The following CEBPZOS variants were observed in gnomAD, a reference collection of about 807,000 sequenced individuals.
CEBPZOS encodes the protein protein CEBPZOS.
Under a neutral mutation model 4.8 loss-of-function variants are expected in CEBPZOS, and 10 were observed. The observed-to-expected ratio is 2.07, with a 90% CI of 1.28 to 3.52. The LOEUF (loss-of-function observed/expected upper bound fraction) is 3.52, where lower values mean the gene tolerates loss of function less well. CEBPZOS is among the 30% of genes most tolerant of loss of function. The pLI is 0.00. For synonymous variants in CEBPZOS, 25 were observed against 14.2 expected (o/e 1.77, Z -1.72); for missense variants, 98 against 43.6 (o/e 2.25, Z -3.51).
Position 37,201,523 on chromosome 2 carries a change from G to A in CEBPZOS, c.161-119G>A, listed in dbSNP as rs1449621624. 4.9e-6 allele frequency: 3 copies of A among 608,590 alleles called. No homozygotes were observed. The African/African-American group carries it at 5.6e-5, about 11-fold the overall frequency. 37.7% of individuals were successfully genotyped at this position (608,590 alleles called of 1,614,324 possible). A position where few individuals can be genotyped will look rare whatever the true frequency, so the allele number is the denominator to read the frequency against. ...TATATGTGAAGTCTGTAATCCTACT[G>A]TCCTCTTTTTCATTTTGTTATGTAG... is the stretch of plus-strand genomic sequence containing the variant. On this transcript the variant is annotated intron_variant, in intron 3 of 4. Coordinates refer to ENST00000402297, the MANE Select transcript of CEBPZOS (RefSeq NM_001322374.2).
intron 4 of CEBPZOS, chr2:37,211,070 T>A: frequency 6.2e-7 from 1 of 1,608,496 alleles, no homozygotes; most frequent in Non-Finnish European, 8.5e-7. Context: ...GACTTTGGAG[T>A]GGACTTCAAG....
intron 4 of CEBPZOS, chr2:37,212,489 G>A: frequency 9.4e-7 from 1 of 1,058,228 alleles, no homozygotes; most frequent in East Asian, 2.4e-5. Context: ...TGATTCTGCT[G>A]TTTATGACAA....
intron 1 of CEBPZOS, among the ~76,000 whole-genome samples, chr2:37,199,439 GTTCTTTTTACAACGCT>G (rs1677104353): frequency 6.6e-6 from 1 of 152,090 alleles, no homozygotes; most frequent in African/African-American, 2.4e-5. Flanking sequence ...TCCGTAAATT[GTTCTTTTTACAACGCT>G]TTCTTGCATT....
At chr2:37,207,479 T>A (rs111933481), downstream of CEBPZOS, among the ~76,000 whole-genome samples, 3 of 152,138 alleles carry the variant, frequency 2.0e-5, no homozygotes, top group African/African-American at 7.2e-5. Flanking sequence ...GGAATACAAT[T>A]GGAAATTAAC....
At chr2:37,212,510 A>C (rs981639943) in intron 4 of CEBPZOS, 4 of 820,534 alleles carry the variant, frequency 4.9e-6, no homozygotes, top group Non-Finnish European at 8.1e-6. Flanking sequence ...GTGAACACCA[A>C]AACAATGTAA....
intron 4 of CEBPZOS, chr2:37,210,075 A>G (rs1404444790): frequency 6.6e-6 from 1 of 152,216 alleles, no homozygotes; most frequent in Non-Finnish European, 1.5e-5. Flanking sequence ...CCACAGTGCA[A>G]TACCACCTTA....
downstream of CEBPZOS, among the ~76,000 whole-genome samples, chr2:37,205,351 G>A (rs1450143516): frequency 6.6e-6 from 1 of 152,132 alleles, no homozygotes; most frequent in African/African-American, 2.4e-5. Flanking sequence ...GCCTGTTCCT[G>A]CCTTAACTGA....
At chr2:37,199,560 C>A in intron 1 of CEBPZOS, 144 bp from the exon 2 acceptor site, 1 of 482,090 alleles carries the variant, frequency 2.1e-6, no homozygotes, top group Non-Finnish European at 3.8e-6. Context: ...ATGTCTAAAC[C>A]AAAAAAGTAT....
intron 3 of CEBPZOS, 45 bp from the exon 4 acceptor site, chr2:37,201,597 A>G (rs906502583): frequency 1.3e-5 from 9 of 670,792 alleles, no homozygotes; most frequent in East Asian, 5.5e-5. Context: ...AATTTTAACA[A>G]TGCTTCCACA....
downstream of CEBPZOS, among the ~76,000 whole-genome samples, chr2:37,206,626 G>T (rs1042472682): frequency 6.6e-6 from 1 of 152,164 alleles, no homozygotes; most frequent in East Asian, 1.9e-4. Context: ...GAAGTGCTGG[G>T]ATTACAGGTG....
downstream of CEBPZOS, chr2:37,213,864 C>T: frequency 6.3e-7 from 1 of 1,594,884 alleles, no homozygotes; most frequent in Non-Finnish European, 8.6e-7. Context: ...AACAAATTAC[C>T]AATCAGCTCT....
intron 4 of CEBPZOS, chr2:37,211,958 G>A (rs185440523): frequency 2.5e-6 from 4 of 1,613,502 alleles, no homozygotes; most frequent in Admixed American, 1.7e-5. Flanking sequence ...CGTCATCCAG[G>A]TTACCAAGTT....
chr2:37,211,947 T>C lies in CEBPZOS; in HGVS notation c.*3-1490T>C, dbSNP rs1677734382. On this transcript the variant is annotated intron_variant, in intron 4 of 4. Coordinates refer to the CEBPZOS transcript ENST00000397064. ...ATCCATACTTCCTAAAGAAACTTCA[T>C]CGTCATCCAGGTTACCAAGTTCATC... 3 of 1,613,840 alleles carry C rather than the reference T, an allele frequency of 1.9e-6. No individual in the cohort carries two copies. The highest frequency in any genetic ancestry group is 2.5e-6 in the Non-Finnish European group (3 of 1,179,872).
At chr2:37,199,923 G>T in intron 2 of CEBPZOS, 104 bp downstream of exon 2, 1 of 634,526 alleles carries the variant, frequency 1.6e-6, no homozygotes, top group South Asian at 1.9e-5. Context: ...TGGTTCTTCA[G>T]ATTCAAGATA....
chr2:37,198,959 A>G (rs1677080383), intron 1 of CEBPZOS, among the ~76,000 whole-genome samples: 1 of 151,806 alleles, frequency 6.6e-6, no homozygotes, highest in Non-Finnish European at 1.5e-5. Context: ...TTCGAGACCA[A>G]TCTGGGCAAC....
At chr2:37,198,076 C>T (rs1381068228) in intron 1 of CEBPZOS, among the ~76,000 whole-genome samples, 1 of 151,988 alleles carries the variant, frequency 6.6e-6, no homozygotes, top group Non-Finnish European at 1.5e-5. Flanking sequence ...AAGAGAATTG[C>T]TTGAATCCGG....
intron 1 of CEBPZOS, among the ~76,000 whole-genome samples, chr2:37,199,284 C>T (rs1472252921): frequency 6.6e-6 from 1 of 151,902 alleles, no homozygotes; most frequent in Admixed American, 6.6e-5. Flanking sequence ...AGTGTAGAAC[C>T]ACTTGAGAAA....
chr2:37,205,083 C>T (rs993008595), downstream of CEBPZOS, among the ~76,000 whole-genome samples: 4 of 152,062 alleles, frequency 2.6e-5, no homozygotes, highest in Non-Finnish European at 5.9e-5. Context: ...TGGAAGATAA[C>T]GTGTTATAAT....
At chr2:37,211,110 G>A (rs1397095369) in intron 4 of CEBPZOS, 1 of 1,497,696 alleles carries the variant, frequency 6.7e-7, no homozygotes, top group Non-Finnish European at 9.2e-7. Flanking sequence ...TTGCTAATAA[G>A]CAATTTAAAA....
Sources: allele counts gnomAD v4.1 joint callset (sites outside exome capture counted in the v4.1 genomes callset), GRCh38; gene constraint gnomAD v4.1.1; transcripts MANE v1.5; gene names NCBI Gene and HGNC (gene_info 2026-07-23, HGNC 2026-07-21).